Variants in DNAAF11 observed in about 807,000 individuals in gnomAD.
DNAAF11 encodes dynein axonemal assembly factor 11.
In DNAAF11, 45 loss-of-function variants were observed where a neutral mutation model predicts 60.8. The observed-to-expected ratio is 0.74, with a 90% CI of 0.58 to 0.95. The LOEUF (loss-of-function observed/expected upper bound fraction) is 0.95, where lower values mean the gene tolerates loss of function less well. Among genes scored for constraint, DNAAF11 ranks in the 40% least tolerant of loss-of-function variants. The pLI, the probability that DNAAF11 is intolerant of heterozygous loss-of-function variation, is 0.00. For missense variants in DNAAF11, 546 were observed against 546.2 expected (o/e 1.00, Z 0.00); for synonymous variants, 191 against 183.5 (o/e 1.04, Z -0.33).
At chr8:132,603,284 G>C (rs1490016813) in intron 10 of DNAAF11, among the ~76,000 whole-genome samples, 1 of 152,112 alleles carries the variant, frequency 6.6e-6, no homozygotes, top group Admixed American at 6.6e-5. Flanking sequence ...TAGTATGTAG[G>C]AAGGAGTACA....
At chr8:132,663,503 G>A (rs13266577) in intron 1 of DNAAF11, among the ~76,000 whole-genome samples, 4 of 152,198 alleles carry the variant, frequency 2.6e-5, no homozygotes, top group Non-Finnish European at 5.9e-5. Flanking sequence ...GGTTGAGATT[G>A]CACAACCTTG....
intron 10 of DNAAF11, among the ~76,000 whole-genome samples, chr8:132,597,860 G>C (rs922676996): frequency 6.6e-6 from 1 of 152,022 alleles, no homozygotes; most frequent in African/African-American, 2.4e-5. Flanking sequence ...GGGTTGGGGG[G>C]GAATTTCACA....
At chr8:132,699,565 A>G in the DNAAF11 span, among the ~76,000 whole-genome samples, 2 of 152,132 alleles carry the variant, frequency 1.3e-5, no homozygotes, top group Admixed American at 6.5e-5. Flanking sequence ...CTGCCCTGGA[A>G]TAAGTTGCTC....
At chr8:132,695,476 G>C in the DNAAF11 span, among the ~76,000 whole-genome samples, 12 of 152,188 alleles carry the variant, frequency 7.9e-5, no homozygotes, top group African/African-American at 2.7e-4. Context: ...AGTAGGAACA[G>C]ATGCCCGTAG....
intron 1 of DNAAF11, among the ~76,000 whole-genome samples, chr8:132,667,355 A>T (rs1220637148): frequency 6.6e-6 from 1 of 152,206 alleles, no homozygotes; most frequent in Non-Finnish European, 1.5e-5. Context: ...TAAAGCCCTT[A>T]GCACAGTGCC....
chr8:132,635,218 C>A (rs1334094381), intron 4 of DNAAF11, among the ~76,000 whole-genome samples: 1 of 152,192 alleles, frequency 6.6e-6, no homozygotes, highest in Non-Finnish European at 1.5e-5. Flanking sequence ...GCCTAAGAAT[C>A]AGAGATCCAG....
chr8:132,678,089 G>A (rs764956648), upstream of DNAAF11, among the ~76,000 whole-genome samples: 3 of 150,240 alleles, frequency 2.0e-5, no homozygotes, highest in Non-Finnish European at 4.4e-5. Flanking sequence ...GTAAGATTGA[G>A]AGTTTAAGAG....
rs1209218133 is a variant in DNAAF11, at chr8:132,571,802, T to C, written c.*504A>G. Reference sequence around the variant, plus strand: ...ATTGAGCTGGAATCCAAATATAGAGTGTCTGGTTTCAAAACTCATATTCTT... The same window carrying C: ...ATTGAGCTGGAATCCAAATATAGAGCGTCTGGTTTCAAAACTCATATTCTT... On this transcript the variant is annotated 3_prime_UTR_variant, in exon 12 of 12. Coordinates refer to ENST00000620350, the MANE Select transcript of DNAAF11 (RefSeq NM_012472.6). 6.6e-6 allele frequency among the ~76,000 whole-genome samples: 1 copy of C among 152,050 alleles called. No homozygotes were observed. Among genetic ancestry groups the C allele is most frequent in the African/African-American group, 2.4e-5 (1 of 41,402 alleles).
At chr8:132,641,318 G>A (rs72723201) in intron 3 of DNAAF11, among the ~76,000 whole-genome samples, 13,881 of 152,126 alleles carry the variant, frequency 0.091, 807 homozygotes, top group South Asian at 0.15. Context: ...TCTAACATAC[G>A]TATTGTTTCA....
chr8:132,670,093 G>A (rs1256363860), intron 1 of DNAAF11, among the ~76,000 whole-genome samples: 2 of 151,732 alleles, frequency 1.3e-5, no homozygotes, highest in African/African-American at 2.4e-5. Context: ...TCCACTTTAA[G>A]GATCTAGAAA....
At chr8:132,662,811 G>A (rs1406546444) in intron 1 of DNAAF11, among the ~76,000 whole-genome samples, 1 of 152,160 alleles carries the variant, frequency 6.6e-6, no homozygotes, top group Non-Finnish European at 1.5e-5. Flanking sequence ...TCCTGAAGGT[G>A]CAGACTCCTC....
At chr8:132,643,932 A>G (rs539710360) in intron 3 of DNAAF11, among the ~76,000 whole-genome samples, 2 of 152,342 alleles carry the variant, frequency 1.3e-5, no homozygotes, top group South Asian at 2.1e-4. Flanking sequence ...TAACAGATAA[A>G]TATCCAGAAT....
intron 10 of DNAAF11, among the ~76,000 whole-genome samples, chr8:132,604,551 A>G (rs141114136): frequency 6.6e-6 from 1 of 152,310 alleles, no homozygotes; most frequent in African/African-American, 2.4e-5. Flanking sequence ...TGGCAGTTTA[A>G]TTTAATGACT....
At chr8:132,579,933 T>G (rs1563965418) in intron 11 of DNAAF11, among the ~76,000 whole-genome samples, 3 of 151,548 alleles carry the variant, frequency 2.0e-5, no homozygotes, top group Non-Finnish European at 4.4e-5. Flanking sequence ...GAGGCGGAAG[T>G]TGCAGTGAGC....
chr8:132,669,839 G>T (rs928718438), intron 1 of DNAAF11, among the ~76,000 whole-genome samples: 2 of 151,520 alleles, frequency 1.3e-5, no homozygotes, highest in African/African-American at 2.4e-5. Flanking sequence ...TTACAAGGAG[G>T]CTGAGGCAGG....
At chr8:132,678,745 T>G (rs141430627), upstream of DNAAF11, among the ~76,000 whole-genome samples, 342 of 150,488 alleles carry the variant, frequency 2.3e-3, 5 homozygotes, top group East Asian at 0.058. Context: ...AAATAAATTT[T>G]TATATAAAAA....
chr8:132,682,875 G>C, the DNAAF11 span, among the ~76,000 whole-genome samples: 5 of 152,354 alleles, frequency 3.3e-5, no homozygotes, highest in African/African-American at 1.2e-4. Flanking sequence ...TACAAGGCAA[G>C]AGAGGAAGCA....
At chr8:132,572,526 T>C (rs1374506101) in intron 11 of DNAAF11, 46 bp from the exon 12 acceptor site, 1 of 1,436,824 alleles carries the variant, frequency 7.0e-7, no homozygotes, top group Non-Finnish European at 9.5e-7. Context: ...CTACATCATT[T>C]AAAATTTCAA....
intron 10 of DNAAF11, among the ~76,000 whole-genome samples, chr8:132,592,998 A>G (rs1268511557): frequency 1.3e-5 from 2 of 151,960 alleles, no homozygotes; most frequent in African/African-American, 4.8e-5. Flanking sequence ...AATTCAATGG[A>G]TAAGATCAAT....
Sources: gnomAD v4.1 joint callset for allele counts (sites outside exome capture counted in the v4.1 genomes callset) on GRCh38, gnomAD v4.1.1 for gene constraint, MANE v1.5 for transcripts, NCBI Gene and HGNC (gene_info 2026-07-23, HGNC 2026-07-21) for gene names.